Variants in HIPK2 observed in about 807,000 individuals in gnomAD.
HIPK2 encodes homeodomain interacting protein kinase 2.
Under a neutral mutation model 113.7 loss-of-function variants are expected in HIPK2, and 27 were observed. That is an observed-to-expected ratio of 0.24 (90% CI 0.17 to 0.33). The LOEUF (loss-of-function observed/expected upper bound fraction) is 0.33, where lower values mean the gene tolerates loss of function less well. Ranked by LOEUF, HIPK2 falls within the 10% of genes least tolerant of loss-of-function variation. The pLI is 1.00. For synonymous variants in HIPK2, 631 were observed against 642.2 expected, an observed-to-expected ratio of 0.98 and a Z score of 0.26; for missense variants, 1,257 against 1,588.0, an observed-to-expected ratio of 0.79 and a Z score of 3.54.
At chr7:139,680,002 A>G (rs1802640177) in intron 2 of HIPK2, among the ~76,000 whole-genome samples, 1 of 152,130 alleles carries the variant, frequency 6.6e-6, no homozygotes, top group South Asian at 2.1e-4. Flanking sequence ...GTTCGCTGCA[A>G]ATGTATGCAA....
chr7:139,629,147 G>C, intron 4 of HIPK2, 108 bp from the exon 5 acceptor site: 1 of 863,516 alleles, frequency 1.2e-6, no homozygotes, highest in Non-Finnish European at 1.8e-6. Context: ...CCCACATTTC[G>C]GAAGAGATTT....
chr7:139,597,321 CTG>C (rs1427542723), intron 11 of HIPK2, among the ~76,000 whole-genome samples: 1 of 152,214 alleles, frequency 6.6e-6, no homozygotes, highest in Non-Finnish European at 1.5e-5. Context: ...AGGATTCCAG[CTG>C]TGTTTGCCCC....
intron 1 of HIPK2, among the ~76,000 whole-genome samples, chr7:139,730,429 C>T (rs568922810): frequency 6.7e-5 from 10 of 150,324 alleles, no homozygotes; most frequent in African/African-American, 2.2e-4. Flanking sequence ...GGTGAGATCT[C>T]GGCTCACTGC....
chr7:139,563,536 T>A lies in HIPK2; in HGVS notation c.*9391A>T, dbSNP rs982572099. 9 of 276,278 alleles carry A rather than the reference T, an allele frequency of 3.3e-5. No individual in the cohort carries two copies. Among genetic ancestry groups the A allele is most frequent in the Non-Finnish European group, 6.0e-5 (9 of 150,084 alleles). 17.1% of individuals were successfully genotyped at this position (276,278 alleles called of 1,614,324 possible). A position where few individuals can be genotyped will look rare whatever the true frequency, so the allele number is the denominator to read the frequency against. The stretch of plus-strand genomic sequence containing the variant: ...GAGCCCTTTTTCAGATACAACATAC[T>A]TACTTTTCAAATGAACAAAAGGCAA... On this transcript the variant is annotated 3_prime_UTR_variant, in exon 15 of 15. Coordinates refer to ENST00000406875, the MANE Select transcript of HIPK2 (RefSeq NM_022740.5).
At chr7:139,635,761 C>A (rs559885607) in intron 2 of HIPK2, among the ~76,000 whole-genome samples, 2 of 152,164 alleles carry the variant, frequency 1.3e-5, no homozygotes, top group Admixed American at 6.5e-5. Flanking sequence ...GAATACAAAA[C>A]GTGTGTCACA....
chr7:139,669,949 G>C lies in HIPK2; in HGVS notation c.1104-38224C>G, dbSNP rs1389111419. On this transcript the variant is annotated intron_variant, in intron 2 of 14. Transcript: ENST00000406875. Reference sequence around the variant, plus strand: ...AGCTTTATTTACTTTTTGTGGCCATGATTTTAACCTTTTACTTATTGAGAT... The same window carrying C: ...AGCTTTATTTACTTTTTGTGGCCATCATTTTAACCTTTTACTTATTGAGAT... Among the ~76,000 whole-genome samples the C allele has an allele frequency of 2.0e-5, 3 of 152,162 alleles. No individual in the cohort carries two copies. The East Asian group carries it at 5.8e-4, about 29-fold the overall frequency.
At chr7:139,733,088 G>C in intron 1 of HIPK2, among the ~76,000 whole-genome samples, 1 of 152,008 alleles carries the variant, frequency 6.6e-6, no homozygotes, top group Non-Finnish European at 1.5e-5. Flanking sequence ...CTCCTGCTCT[G>C]GCCATGTGAA....
At chr7:139,738,304 C>T (rs1436240039) in intron 1 of HIPK2, among the ~76,000 whole-genome samples, 2 of 152,252 alleles carry the variant, frequency 1.3e-5, no homozygotes, top group Non-Finnish European at 2.9e-5. Context: ...GAAACACACG[C>T]TGAAGCATCG....
intron 2 of HIPK2, among the ~76,000 whole-genome samples, chr7:139,698,362 T>C (rs962735483): frequency 0.023 from 3,483 of 152,332 alleles, 131 homozygotes; most frequent in African/African-American, 0.078. Context: ...CATCCACTGA[T>C]GGACATTTGG....
intron 2 of HIPK2, among the ~76,000 whole-genome samples, chr7:139,691,053 T>C (rs147334497): frequency 4.8e-4 from 73 of 152,238 alleles, no homozygotes; most frequent in African/African-American, 1.7e-3. Flanking sequence ...AAAACAGGAA[T>C]CTGTAATGAA....
chr7:139,622,369 T>A (rs956475963), intron 6 of HIPK2, among the ~76,000 whole-genome samples: 1 of 152,194 alleles, frequency 6.6e-6, no homozygotes, highest in Non-Finnish European at 1.5e-5. Flanking sequence ...TCCTACTAAG[T>A]ACCAAGGTCT....
Position 139,717,035 on chromosome 7 carries a change from A to G in HIPK2, c.20-20T>C. The G allele has an allele frequency of 6.3e-7, 1 of 1,595,924 alleles. No homozygotes were observed. Among genetic ancestry groups the G allele is most frequent in the Non-Finnish European group, 8.6e-7 (1 of 1,168,072 alleles). Reference sequence around the variant, plus strand: ...CCATACCTACAAGGAAAGGAAAACGAAAAGTAAGTATCGGAGTCACCTTGG... The same window carrying G: ...CCATACCTACAAGGAAAGGAAAACGGAAAGTAAGTATCGGAGTCACCTTGG... On this transcript the variant is annotated intron_variant, in intron 1 of 14. Transcript: ENST00000406875.
At chr7:139,748,781 G>A (rs1188480195) in intron 1 of HIPK2, among the ~76,000 whole-genome samples, 1 of 152,028 alleles carries the variant, frequency 6.6e-6, no homozygotes, top group Non-Finnish European at 1.5e-5. Context: ...AGTGGGGAGG[G>A]GGACACAAAA....
rs73474107 is a variant in HIPK2 at position 139,737,036 on chromosome 7, C to T, written c.20-20021G>A. On this transcript the variant is annotated intron_variant, in intron 1 of 14. Transcript: ENST00000406875. ...AGCTCGCCTTGTGGTCCTGACCTTG[C>T]CAGCCAAGCCCTTTTCATTCCGTTT... Among the ~76,000 whole-genome samples, 805 of 152,280 alleles carry T rather than the reference C, an allele frequency of 5.3e-3. 7 individuals carry two copies. The highest frequency in any genetic ancestry group is 0.018 in the African/African-American group (758 of 41,538).
chr7:139,674,975 C>T (rs2116666910), intron 2 of HIPK2, among the ~76,000 whole-genome samples: 1 of 152,260 alleles, frequency 6.6e-6, no homozygotes, highest in Admixed American at 6.5e-5. Flanking sequence ...CTGCATTTGC[C>T]TTTGTCATCG....
At chr7:139,762,391 T>C (rs1355065711) in intron 1 of HIPK2, among the ~76,000 whole-genome samples, 1 of 152,152 alleles carries the variant, frequency 6.6e-6, no homozygotes, top group Non-Finnish European at 1.5e-5. Context: ...AAACTTTACC[T>C]CCACTTCCTC....
chr7:139,600,693 C>T, intron 10 of HIPK2, 97 bp from the exon 11 acceptor site: 1 of 1,371,980 alleles, frequency 7.3e-7, no homozygotes, highest in Non-Finnish European at 1.0e-6. Flanking sequence ...ACGCTGACTG[C>T]AGTTGGTTAT....
intron 1 of HIPK2, among the ~76,000 whole-genome samples, chr7:139,753,192 T>C (rs1235017836): frequency 6.6e-6 from 1 of 152,172 alleles, no homozygotes; most frequent in Non-Finnish European, 1.5e-5. Context: ...AGGGAGGTGA[T>C]GGAGACTGAG....
chr7:139,594,409 T>C (rs1799127440), intron 12 of HIPK2, among the ~76,000 whole-genome samples: 1 of 152,214 alleles, frequency 6.6e-6, no homozygotes, highest in African/African-American at 2.4e-5. Context: ...CTGTGTTAAA[T>C]TTTATGATAA....
Sources: gnomAD v4.1 joint callset for allele counts (sites outside exome capture counted in the v4.1 genomes callset) on GRCh38, gnomAD v4.1.1 for gene constraint, MANE v1.5 for transcripts, NCBI Gene and HGNC (gene_info 2026-07-23, HGNC 2026-07-21) for gene names.